Variants in AAMDC observed in about 807,000 individuals in gnomAD.
AAMDC encodes adipogenesis associated Mth938 domain containing, also known as mth938 domain-containing protein.
In AAMDC, 16 loss-of-function variants were observed where a neutral mutation model predicts 15.5. The ratio of observed to expected loss-of-function variants is 1.03; its 90% CI spans 0.70 to 1.57. AAMDC has a LOEUF of 1.57. Among genes scored for constraint, AAMDC ranks in the 40% most tolerant of loss-of-function variants. AAMDC has a pLI of 0.00. For synonymous variants in AAMDC, 51 were observed against 51.6 expected (o/e 0.99, Z 0.05); for missense variants, 141 against 144.9 (o/e 0.97, Z 0.14).
chr11:77,841,032 G>T, intron 1 of AAMDC: 1 of 565,338 alleles, frequency 1.8e-6, no homozygotes, highest in Non-Finnish European at 3.2e-6. Context: ...TGGAGGCTGG[G>T]AAGTCCAAGA....
At chr11:77,822,066 C>A (rs1948933913) in intron 1 of AAMDC, among the ~76,000 whole-genome samples, 1 of 151,888 alleles carries the variant, frequency 6.6e-6, no homozygotes, top group South Asian at 2.1e-4. Flanking sequence ...GACTGAATTC[C>A]GCTATATTTA....
At chr11:77,896,936 A>G (rs186031430) in intron 5 of AAMDC, among the ~76,000 whole-genome samples, 4 of 150,626 alleles carry the variant, frequency 2.7e-5, no homozygotes, top group Admixed American at 2.0e-4. Context: ...AGAAAATTTT[A>G]AAGGTTTGAG....
intron 5 of AAMDC, among the ~76,000 whole-genome samples, chr11:77,878,163 C>G (rs530297438): frequency 5.7e-4 from 86 of 152,112 alleles, no homozygotes; most frequent in Non-Finnish European, 8.5e-4. Context: ...GAGATCAAGA[C>G]CATCCTGGCT....
At chr11:77,850,558 A>G (rs978438800) in intron 2 of AAMDC, 1 of 152,206 alleles carries the variant, frequency 6.6e-6, no homozygotes, top group Non-Finnish European at 1.5e-5. Context: ...TAAAAATATA[A>G]GTATAAAATT....
chr11:77,898,708 C>T (rs1952639571), intron 5 of AAMDC, among the ~76,000 whole-genome samples: 1 of 152,126 alleles, frequency 6.6e-6, no homozygotes, highest in Admixed American at 6.6e-5. Context: ...GTGACAGACA[C>T]TATTTTAAAG....
intron 5 of AAMDC, among the ~76,000 whole-genome samples, chr11:77,888,504 A>T (rs9667706): frequency 0.37 from 56,229 of 152,048 alleles, 10,688 homozygotes; most frequent in African/African-American, 0.43. Flanking sequence ...CATTCAGGAC[A>T]TAGGCATGGG....
intron 1 of AAMDC, among the ~76,000 whole-genome samples, chr11:77,840,090 G>A (rs1456094448): frequency 2.1e-5 from 2 of 96,230 alleles, no homozygotes; most frequent in African/African-American, 5.2e-5. Context: ...TGGAGAGGGG[G>A]ACAGTAAACA....
downstream of AAMDC, among the ~76,000 whole-genome samples, chr11:77,873,996 A>AATC (rs1427455922): frequency 6.6e-6 from 1 of 152,242 alleles, no homozygotes; most frequent in African/African-American, 2.4e-5. Flanking sequence ...TACAGGGACC[A>AATC]ATCTATAGAC....
At chr11:77,838,951 C>G (rs1261714804) in intron 1 of AAMDC, among the ~76,000 whole-genome samples, 1 of 152,150 alleles carries the variant, frequency 6.6e-6, no homozygotes, top group African/African-American at 2.4e-5. Context: ...CTTACCAGTG[C>G]TAGAATTTCC....
chr11:77,858,282 C>T (rs539034262), intron 2 of AAMDC, among the ~76,000 whole-genome samples: 23 of 148,680 alleles, frequency 1.5e-4, no homozygotes, highest in African/African-American at 5.5e-4. Flanking sequence ...ACAACCTCCA[C>T]CTCCTGCGTT....
At chr11:77,872,802 G>A (rs1951490505), downstream of AAMDC, among the ~76,000 whole-genome samples, 2 of 152,110 alleles carry the variant, frequency 1.3e-5, no homozygotes, top group South Asian at 2.1e-4. Flanking sequence ...ACAAAAATTA[G>A]CTGGGCATGG....
downstream of AAMDC, chr11:77,903,499 G>A (rs773059612): frequency 1.2e-5 from 19 of 1,606,760 alleles, no homozygotes; most frequent in Non-Finnish European, 1.4e-5. Context: ...GACAATTACT[G>A]GACAGAGACC....
intron 2 of AAMDC, among the ~76,000 whole-genome samples, chr11:77,862,937 G>C (rs867621692): frequency 6.6e-6 from 1 of 152,200 alleles, no homozygotes; most frequent in South Asian, 2.1e-4. Flanking sequence ...TTTTGCCTTG[G>C]GGGGAACGTT....
chr11:77,886,212 GA>G (rs576019396), intron 5 of AAMDC, among the ~76,000 whole-genome samples: 14 of 149,052 alleles, frequency 9.4e-5, no homozygotes, highest in African/African-American at 2.2e-4. Context: ...TCAAAAAAAA[GA>G]AAAAAAAAAT....
chr11:77,853,094 G>C lies in AAMDC; in HGVS notation c.132+10466G>C, dbSNP rs115718874. Among the ~76,000 whole-genome samples the C allele has an allele frequency of 6.5e-3, 985 of 152,304 alleles. 9 individuals are homozygous for C. Among genetic ancestry groups the C allele is most frequent in the African/African-American group, 0.023 (948 of 41,558 alleles). ...TGCTTAAAGAGTAAATGTAAATGTA[G>C]ATTTGTTAGATATTGCCAAATTCCC... On this transcript the variant is annotated intron_variant, in intron 2 of 3. Coordinates refer to ENST00000393427, the MANE Select transcript of AAMDC (RefSeq NM_024684.4).
chr11:77,829,526 C>T (rs1198447605), intron 1 of AAMDC: 1 of 151,956 alleles, frequency 6.6e-6, no homozygotes, highest in East Asian at 1.9e-4. Context: ...GTTTTTGCAA[C>T]AAATGATGCT....
At chr11:77,888,130 A>G (rs1314804875) in intron 5 of AAMDC, among the ~76,000 whole-genome samples, 1 of 152,234 alleles carries the variant, frequency 6.6e-6, no homozygotes, top group African/African-American at 2.4e-5. Flanking sequence ...ATCCTAAGCC[A>G]AAAGAACAAA....
intron 2 of AAMDC, among the ~76,000 whole-genome samples, chr11:77,852,148 A>G (rs1347240224): frequency 6.9e-6 from 1 of 144,026 alleles, no homozygotes; most frequent in East Asian, 2.2e-4. Context: ...ACGAGATGGG[A>G]GGATCACTTG....
intron 1 of AAMDC, among the ~76,000 whole-genome samples, chr11:77,834,555 C>A (rs1473256516): frequency 1.4e-5 from 2 of 146,368 alleles, no homozygotes; most frequent in Non-Finnish European, 1.5e-5. Flanking sequence ...GCTGGAATTA[C>A]AAGTACATAC....
Sources: gnomAD v4.1 joint callset for allele counts (sites outside exome capture counted in the v4.1 genomes callset) on GRCh38, gnomAD v4.1.1 for gene constraint, MANE v1.5 for transcripts, NCBI Gene and HGNC (gene_info 2026-07-23, HGNC 2026-07-21) for gene names.